The following PHF20 variants were observed in gnomAD, a reference collection of about 807,000 sequenced individuals.
PHF20 encodes the protein PHD finger protein 20, also known as glioma-expressed antigen 2.
Under a neutral mutation model 113.5 loss-of-function variants are expected in PHF20, and 23 were observed. The observed-to-expected ratio is 0.20, with a 90% CI of 0.15 to 0.29. The LOEUF (loss-of-function observed/expected upper bound fraction) is 0.29, where lower values mean the gene tolerates loss of function less well. Ranked by LOEUF, PHF20 falls within the 10% of genes least tolerant of loss-of-function variation. The pLI is 1.00. For synonymous variants in PHF20, 434 were observed against 457.3 expected, an observed-to-expected ratio of 0.95 and a Z score of 0.65; for missense variants, 943 against 1,219.6, an observed-to-expected ratio of 0.77 and a Z score of 3.38.
In PHF20 at chr20:35,801,543, C is replaced by G. The variant is rs749778164; in HGVS notation, c.21C>G (p.Asn7Lys). 1 of 1,613,638 alleles carries G rather than the reference C, an allele frequency of 6.2e-7. No homozygotes were observed. The highest frequency in any genetic ancestry group is 8.5e-7 in the Non-Finnish European group (1 of 1,179,574). The change falls in exon 2 of 18, where the codon AAC (asparagine) becomes AAG (lysine). Residue 7 changes from asparagine (N) to lysine (K), a missense_variant. This residue lies in a region of PHF20 where 592 missense variants were observed against 787.2 expected (regional missense o/e 0.75). Coordinates refer to ENST00000374012, the MANE Select transcript of PHF20 (RefSeq NM_016436.5). ...TGAAAATGACAAAGCATCCACCTAACAGACGAGGAATCAGCTTTGAAGTGG... is the reference window on the plus strand; with the variant it reads ...TGAAAATGACAAAGCATCCACCTAAGAGACGAGGAATCAGCTTTGAAGTGG... Reference protein sequence around the residue: MTKHPPNRRGISFEVGA... With the variant: MTKHPPKRRGISFEVGA...
At chr20:35,824,890 A>G (rs556967076) in intron 2 of PHF20, among the ~76,000 whole-genome samples, 1 of 152,206 alleles carries the variant, frequency 6.6e-6, no homozygotes, top group Non-Finnish European at 1.5e-5. Context: ...TTAGCATGCT[A>G]TTTTCAAGGT....
In PHF20 at chr20:35,789,001, G is replaced by C. The variant is rs1305383932; in HGVS notation, c.-32-12490G>C. Among the ~76,000 whole-genome samples the C allele has an allele frequency of 2.6e-5, 4 of 152,206 alleles. No individual in the cohort carries two copies. The East Asian group carries it at 5.8e-4, about 22-fold the overall frequency. On this transcript the variant is annotated intron_variant, in intron 1 of 17. Coordinates refer to ENST00000374012, the MANE Select transcript of PHF20 (RefSeq NM_016436.5). ...TGCTTAGATAGGCAGTTTCAGCATA[G>C]AGTGATGAATGCTGTGGCCCAGAGG...
intron 1 of PHF20, among the ~76,000 whole-genome samples, chr20:35,776,394 C>T (rs2041175507): frequency 6.6e-6 from 1 of 152,160 alleles, no homozygotes. Context: ...ATGGGTGCTC[C>T]AGAAAGACAA....
intron 1 of PHF20, among the ~76,000 whole-genome samples, chr20:35,792,923 G>A (rs909874735): frequency 4.6e-5 from 7 of 151,142 alleles, no homozygotes; most frequent in African/African-American, 1.7e-4. Context: ...TTTTCTTGTC[G>A]TCGCTCAGCC....
At chr20:35,810,177 G>A (rs967504013) in intron 2 of PHF20, among the ~76,000 whole-genome samples, 4 of 152,018 alleles carry the variant, frequency 2.6e-5, no homozygotes, top group Admixed American at 6.6e-5. Context: ...TGATCTGCCC[G>A]CCTCCGCCTC....
chr20:35,915,028 G>GT (rs2055376888), intron 12 of PHF20, among the ~76,000 whole-genome samples: 1 of 142,556 alleles, frequency 7.0e-6, no homozygotes, highest in Non-Finnish European at 1.5e-5. Context: ...ATGTATATAT[G>GT]TAAAAAAAAA....
At chr20:35,938,073 C>T (rs1356461454) in intron 15 of PHF20, among the ~76,000 whole-genome samples, 4 of 152,058 alleles carry the variant, frequency 2.6e-5, no homozygotes, top group South Asian at 2.1e-4. Context: ...GGGGTTTCAC[C>T]GTGTTAGCCA....
intron 2 of PHF20, among the ~76,000 whole-genome samples, chr20:35,813,264 C>T (rs6121056): frequency 0.012 from 1,858 of 152,252 alleles, 26 homozygotes; most frequent in African/African-American, 0.042. Flanking sequence ...TGAGCCACCG[C>T]GCCCGGCCCA....
intron 2 of PHF20, among the ~76,000 whole-genome samples, chr20:35,821,708 G>C (rs1268043406): frequency 1.3e-5 from 2 of 152,100 alleles, no homozygotes; most frequent in Non-Finnish European, 2.9e-5. Flanking sequence ...GCTGTAGGCA[G>C]CCATGGGCAG....
chr20:35,937,932 C>T (rs1301255430), intron 15 of PHF20, among the ~76,000 whole-genome samples: 2 of 151,808 alleles, frequency 1.3e-5, no homozygotes, highest in South Asian at 2.1e-4. Flanking sequence ...AGTGCAGTGG[C>T]GCAATCTTGG....
At chr20:35,940,259 G>C (rs2055950676) in intron 16 of PHF20, among the ~76,000 whole-genome samples, 1 of 152,130 alleles carries the variant, frequency 6.6e-6, no homozygotes, top group Non-Finnish European at 1.5e-5. Context: ...GTTTCCTAGA[G>C]GTATCTGGCA....
chr20:35,815,313 C>T (rs1000998720), intron 2 of PHF20, among the ~76,000 whole-genome samples: 1 of 151,998 alleles, frequency 6.6e-6, no homozygotes, highest in Non-Finnish European at 1.5e-5. Context: ...CACGGTGACT[C>T]ATGCTTGTAA....
chr20:35,827,933 A>G (rs1318544339), intron 2 of PHF20, among the ~76,000 whole-genome samples: 1 of 152,136 alleles, frequency 6.6e-6, no homozygotes, highest in Non-Finnish European at 1.5e-5. Context: ...ATGACTCCTT[A>G]AGTCTTCATG....
At chr20:35,812,954 C>T (rs999170197) in intron 2 of PHF20, among the ~76,000 whole-genome samples, 1 of 152,058 alleles carries the variant, frequency 6.6e-6, no homozygotes, top group African/African-American at 2.4e-5. Flanking sequence ...TTCTTCTGTA[C>T]GAACAGCTTT....
At chr20:35,929,769 G>C (rs554101708) in intron 14 of PHF20, among the ~76,000 whole-genome samples, 4 of 152,202 alleles carry the variant, frequency 2.6e-5, no homozygotes, top group Non-Finnish European at 5.9e-5. Flanking sequence ...TCCTTGAACT[G>C]AGCACAGCAT....
chr20:35,899,671 G>A (rs2055058280), intron 10 of PHF20, 23 bp downstream of exon 10: 2 of 1,611,656 alleles, frequency 1.2e-6, no homozygotes, highest in Non-Finnish European at 1.7e-6. Context: ...ATTCTTCATT[G>A]TGTCATGGAT....
intron 15 of PHF20, among the ~76,000 whole-genome samples, chr20:35,934,956 G>A (rs1288610251): frequency 6.6e-6 from 1 of 152,110 alleles, no homozygotes; most frequent in African/African-American, 2.4e-5. Flanking sequence ...GGTGGATGGT[G>A]GTCCACGTGA....
chr20:35,775,754 CAA>C (rs11167276), intron 1 of PHF20, among the ~76,000 whole-genome samples: 3 of 85,490 alleles, frequency 3.5e-5, no homozygotes, highest in South Asian at 5.5e-4. Flanking sequence ...ACTCTGTCTC[CAA>C]AAAAAAAAAA....
intron 1 of PHF20, among the ~76,000 whole-genome samples, chr20:35,788,289 G>C (rs528839964): frequency 6.6e-6 from 1 of 150,514 alleles, no homozygotes; most frequent in African/African-American, 2.4e-5. Context: ...GTAGAGACAG[G>C]GTTTCCTCAT....
Sources: gnomAD v4.1 joint callset for allele counts (sites outside exome capture counted in the v4.1 genomes callset) on GRCh38, gnomAD v4.1.1 for gene constraint, gnomAD v4.1.1 regional missense constraint, MANE v1.5 for transcripts, NCBI Gene and HGNC (gene_info 2026-07-23, HGNC 2026-07-21) for gene names.